Variants in LCLAT1 observed in about 807,000 individuals in gnomAD.
LCLAT1 encodes lysocardiolipin acyltransferase 1, also known as 1-AGP acyltransferase 8.
Under a neutral mutation model 30.7 loss-of-function variants are expected in LCLAT1, and 11 were observed. That is an observed-to-expected ratio of 0.36 (90% CI 0.23 to 0.59). The LOEUF is 0.59. Among genes scored for constraint, LCLAT1 ranks in the 20% least tolerant of loss-of-function variants. The pLI, the probability that LCLAT1 is intolerant of heterozygous loss-of-function variation, is 0.77. For missense variants in LCLAT1, 402 were observed against 458.6 expected (o/e 0.88, Z 1.13); for synonymous variants, 155 against 151.3 (o/e 1.02, Z -0.18).
intron 3 of LCLAT1, among the ~76,000 whole-genome samples, chr2:30,539,969 G>A (rs1664051567): frequency 6.6e-6 from 1 of 151,974 alleles, no homozygotes; most frequent in Non-Finnish European, 1.5e-5. Context: ...CTAGAGTCAA[G>A]GCATAAAAAT....
chr2:30,469,240 T>C (rs1682638761), intron 1 of LCLAT1, among the ~76,000 whole-genome samples: 1 of 151,938 alleles, frequency 6.6e-6, no homozygotes, highest in Non-Finnish European at 1.5e-5. Context: ...GTGTTTCATC[T>C]GGATGCAGTC....
chr2:30,582,611 A>G (rs892731470), intron 5 of LCLAT1, among the ~76,000 whole-genome samples: 1 of 152,260 alleles, frequency 6.6e-6, no homozygotes, highest in African/African-American at 2.4e-5. Context: ...ATAATGTATC[A>G]TAAGCCCAGA....
chr2:30,588,418 A>G (rs1402128717), intron 5 of LCLAT1, among the ~76,000 whole-genome samples: 2 of 152,162 alleles, frequency 1.3e-5, no homozygotes, highest in African/African-American at 2.4e-5. Flanking sequence ...CCTCACTGCC[A>G]TATCATTCAT....
At chr2:30,633,923 G>C (rs1007312234) in intron 5 of LCLAT1, among the ~76,000 whole-genome samples, 5 of 152,028 alleles carry the variant, frequency 3.3e-5, no homozygotes, top group African/African-American at 1.2e-4. Flanking sequence ...TGTTTTAAAC[G>C]TACAGATGTG....
chr2:30,577,592 A>T (rs1666051292), intron 5 of LCLAT1, among the ~76,000 whole-genome samples: 1 of 152,184 alleles, frequency 6.6e-6, no homozygotes, highest in Non-Finnish European at 1.5e-5. Flanking sequence ...AGGGAAATTA[A>T]AATGAAACTG....
chr2:30,514,144 C>A (rs997815392), intron 1 of LCLAT1, among the ~76,000 whole-genome samples: 3 of 152,350 alleles, frequency 2.0e-5, no homozygotes, highest in East Asian at 1.9e-4. Flanking sequence ...CTAAATCTTT[C>A]ATTCCTTTAC....
chr2:30,497,730 G>A (rs1170075199), intron 1 of LCLAT1, among the ~76,000 whole-genome samples: 1 of 152,024 alleles, frequency 6.6e-6, no homozygotes, highest in Non-Finnish European at 1.5e-5. Context: ...TGGTCTTCTT[G>A]TTACTTTGTT....
intron 2 of LCLAT1, among the ~76,000 whole-genome samples, chr2:30,531,881 A>ATG (rs1189877096): frequency 6.6e-6 from 1 of 152,184 alleles, no homozygotes; most frequent in East Asian, 1.9e-4. Context: ...TAAAACACAA[A>ATG]TGTACAATTT....
intron 1 of LCLAT1, among the ~76,000 whole-genome samples, chr2:30,472,828 A>G (rs1682863801): frequency 6.6e-6 from 1 of 152,116 alleles, no homozygotes; most frequent in Non-Finnish European, 1.5e-5. Context: ...AGTCCCTCCT[A>G]CCTGCCCCCC....
At chr2:30,459,765 G>C (rs377679875) in intron 1 of LCLAT1, 1 of 1,297,470 alleles carries the variant, frequency 7.7e-7, no homozygotes, top group South Asian at 1.2e-5. Context: ...TTTTTGTCTT[G>C]CTTCATATAT....
At chr2:30,597,930 G>A (rs1394966625) in intron 5 of LCLAT1, among the ~76,000 whole-genome samples, 1 of 152,152 alleles carries the variant, frequency 6.6e-6, no homozygotes, top group Non-Finnish European at 1.5e-5. Context: ...CTGTTTATGT[G>A]ATGAATTACA....
intron 5 of LCLAT1, among the ~76,000 whole-genome samples, chr2:30,602,135 A>T (rs527787797): frequency 6.6e-6 from 1 of 152,276 alleles, no homozygotes; most frequent in Non-Finnish European, 1.5e-5. Context: ...AATCAAATAG[A>T]CAAATGGATG....
chr2:30,519,968 C>G, intron 1 of LCLAT1, among the ~76,000 whole-genome samples: 1 of 152,196 alleles, frequency 6.6e-6, no homozygotes, highest in East Asian at 1.9e-4. Context: ...GCTTCTGATC[C>G]GGGGAGGTGC....
At chr2:30,470,314 CA>C (rs760342651) in intron 1 of LCLAT1, among the ~76,000 whole-genome samples, 2 of 152,170 alleles carry the variant, frequency 1.3e-5, no homozygotes. Flanking sequence ...TAAGTAATTA[CA>C]AAAAAGACAA....
intron 3 of LCLAT1, among the ~76,000 whole-genome samples, chr2:30,535,749 G>A (rs185787040): frequency 5.3e-5 from 8 of 152,216 alleles, no homozygotes; most frequent in Non-Finnish European, 1.0e-4. Context: ...CACAGGAAAC[G>A]TGAAAAGGCA....
intron 5 of LCLAT1, among the ~76,000 whole-genome samples, chr2:30,624,591 C>G (rs1668416379): frequency 6.6e-6 from 1 of 152,172 alleles, no homozygotes; most frequent in Non-Finnish European, 1.5e-5. Context: ...ATGTATGCAT[C>G]TAACACTGGA....
intron 1 of LCLAT1, among the ~76,000 whole-genome samples, chr2:30,473,723 T>A (rs563746935): frequency 2.0e-5 from 3 of 152,324 alleles, no homozygotes; most frequent in African/African-American, 7.2e-5. Flanking sequence ...TTTAACTGTT[T>A]ACAGGGAATG....
At position 30,644,042 on chromosome 2, in the gene LCLAT1, T is replaced by C. The variant is rs914258970; in HGVS notation, c.*3423T>C. On this transcript the variant is annotated 3_prime_UTR_variant, in exon 6 of 6. Coordinates refer to ENST00000379509, the MANE Select transcript of LCLAT1 (RefSeq NM_001002257.3). ...AAGTTATCCTGTACCTGCATTAAAT[T>C]TTCATTTTAGAAGAGAATCTTGGTT... 2 of 152,210 alleles carry C rather than the reference T, an allele frequency of 1.3e-5. No homozygotes were observed. Among genetic ancestry groups the C allele is most frequent in the Non-Finnish European group, 2.9e-5 (2 of 68,032 alleles). 9.4% of individuals were successfully genotyped at this position (152,210 alleles called of 1,614,324 possible). A position where few individuals can be genotyped will look rare whatever the true frequency, so the allele number is the denominator to read the frequency against.
chr2:30,638,829 A>G (rs914927469), intron 5 of LCLAT1, among the ~76,000 whole-genome samples: 2 of 99,124 alleles, frequency 2.0e-5, no homozygotes, highest in Non-Finnish European at 1.9e-5. Flanking sequence ...TCCGTCTCCC[A>G]CATCCAGTTG....
Sources: gnomAD v4.1 joint callset for allele counts (sites outside exome capture counted in the v4.1 genomes callset) on GRCh38, gnomAD v4.1.1 for gene constraint, MANE v1.5 for transcripts, NCBI Gene and HGNC (gene_info 2026-07-23, HGNC 2026-07-21) for gene names.